SINHCAF: variants seen among roughly 807,000 people sequenced by gnomAD.
SINHCAF encodes the protein SIN3-HDAC complex associated factor.
A neutral mutation model predicts 25.8 loss-of-function variants in SINHCAF; 3 were observed. The observed-to-expected ratio is 0.12, with a 90% confidence interval of 0.05 to 0.30. SINHCAF has a LOEUF of 0.30. Ranked by LOEUF, SINHCAF falls within the 10% of genes least tolerant of loss-of-function variation. The probability of loss-of-function intolerance (pLI) is 1.00; values close to 1 mark genes in which losing one functional copy is unlikely to be tolerated. For missense variants in SINHCAF, 121 were observed against 262.3 expected (o/e 0.46, Z 3.72); for synonymous variants, 70 against 85.5 (o/e 0.82, Z 1.00).
chr12:31,283,855 TACACACACACACACAC>T (rs57162055), intron 5 of SINHCAF, among the ~76,000 whole-genome samples: 173 of 140,574 alleles, frequency 1.2e-3, no homozygotes, highest in Admixed American at 3.8e-3. Flanking sequence ...AGTTATCCAT[TACACACACACACACAC>T]ACACACACAC....
chr12:31,325,500 T>C lies in SINHCAF; in HGVS notation c.-21+524A>G, dbSNP rs1201109300. 4 of 343,032 alleles carry C rather than the reference T, an allele frequency of 1.2e-5. No homozygotes were observed. The highest frequency in any genetic ancestry group is 2.3e-5 in the Non-Finnish European group (4 of 172,584). The allele number at this position is 343,032 out of a possible 1,614,324, so 21.2% of individuals were successfully genotyped here. ...TAGTTTCCGAGCGAATGGCGTTTAT[T>C]GTCCACCCTAGTCCGAGGGCTGCAG... On this transcript the variant is annotated intron_variant, in intron 1 of 5. Coordinates refer to ENST00000337682, the MANE Select transcript of SINHCAF (RefSeq NM_001135812.2). The surrounding 1 kb of genome is among the most constrained non-coding windows in gnomAD (Gnocchi z 5.9).
Position 31,324,105 on chromosome 12 carries a change from G to A in SINHCAF, c.-21+1919C>T. 1 of 453,578 alleles carries A rather than the reference G, an allele frequency of 2.2e-6. No individual in the cohort carries two copies. Among genetic ancestry groups the A allele is most frequent in the Non-Finnish European group, 4.4e-6 (1 of 226,592 alleles). 28.1% of individuals were successfully genotyped at this position (453,578 alleles called of 1,614,324 possible). On this transcript the variant is annotated intron_variant, in intron 1 of 5. Coordinates refer to ENST00000337682, the MANE Select transcript of SINHCAF (RefSeq NM_001135812.2). This position sits in a 1 kb window ranked among gnomAD's most constrained non-coding sequence, Gnocchi z 5.5. ...GCCGCTCGCCGGGGCGAGGGCGAGGGCAGCGGGAGGTGAACCGCGTCGCTC... is the reference window on the plus strand; with the variant it reads ...GCCGCTCGCCGGGGCGAGGGCGAGGACAGCGGGAGGTGAACCGCGTCGCTC...
chr12:31,296,984 A>G, intron 2 of SINHCAF: 1 of 439,840 alleles, frequency 2.3e-6, no homozygotes, highest in Middle Eastern at 3.9e-4. Flanking sequence ...GTGGTGCACA[A>G]TGATCACACC....
chr12:31,319,230 T>G (rs1028967134), intron 1 of SINHCAF, among the ~76,000 whole-genome samples: 28 of 152,152 alleles, frequency 1.8e-4, no homozygotes, highest in Non-Finnish European at 3.8e-4. Flanking sequence ...TGTTTCCTCA[T>G]CTATAAAATA....
At chr12:31,293,997 G>A in intron 3 of SINHCAF, 66 bp from the exon 4 acceptor site, 3 of 1,338,656 alleles carry the variant, frequency 2.2e-6, no homozygotes, top group South Asian at 3.0e-5. Flanking sequence ...CTTTGGTTCA[G>A]ATCCGTGCCT....
intron 1 of SINHCAF, chr12:31,311,804 G>T: frequency 4.1e-6 from 2 of 489,486 alleles, no homozygotes; most frequent in South Asian, 1.8e-5. Flanking sequence ...CTTTTAAGTG[G>T]GGTGGTGGGT....
At chr12:31,314,970 T>C (rs1303414176) in intron 1 of SINHCAF, among the ~76,000 whole-genome samples, 2 of 152,208 alleles carry the variant, frequency 1.3e-5, no homozygotes, top group Non-Finnish European at 2.9e-5. Context: ...TTAGAGGATT[T>C]GTTCTCCATA....
intron 5 of SINHCAF, among the ~76,000 whole-genome samples, chr12:31,285,665 T>G (rs915663035): frequency 4.6e-5 from 7 of 152,050 alleles, no homozygotes; most frequent in Middle Eastern, 3.2e-3. Flanking sequence ...CACATAATGC[T>G]TCACAGAATT....
chr12:31,310,819 A>G (rs1939235329), intron 1 of SINHCAF, among the ~76,000 whole-genome samples: 1 of 151,776 alleles, frequency 6.6e-6, no homozygotes, highest in African/African-American at 2.4e-5. Flanking sequence ...AATCTACAAC[A>G]GGCCCATCTG....
chr12:31,310,580 C>A (rs574308922), intron 1 of SINHCAF, among the ~76,000 whole-genome samples: 1 of 152,172 alleles, frequency 6.6e-6, no homozygotes, highest in African/African-American at 2.4e-5. Flanking sequence ...GTTAAGTGTA[C>A]AGCCTTTTGA....
At chr12:31,311,738 T>C in intron 1 of SINHCAF, 1 of 510,304 alleles carries the variant, frequency 2.0e-6, no homozygotes, top group Non-Finnish European at 3.8e-6. Flanking sequence ...AGTGACTTTA[T>C]CACTCCATAC....
intron 1 of SINHCAF, among the ~76,000 whole-genome samples, chr12:31,308,792 T>C (rs1004666321): frequency 6.6e-6 from 1 of 152,056 alleles, no homozygotes; most frequent in South Asian, 2.1e-4. Context: ...CCTAGATGTA[T>C]AGGGATGCTT....
At position 31,306,059 on chromosome 12, in the gene SINHCAF, G is replaced by A. The variant is rs146363814; in HGVS notation, c.-20-7835C>T. The stretch of plus-strand genomic sequence containing the variant: ...AAATAAGTTCCCCTATTGCTGTGAA[G>A]TTCAAAAGGGGACTCCCCATAATGG... On this transcript the variant is annotated intron_variant, in intron 1 of 5. Transcript: ENST00000337682. 5.3e-5 allele frequency among the ~76,000 whole-genome samples: 8 copies of A among 152,306 alleles called. No individual in the cohort carries two copies. The East Asian group carries it at 1.3e-3, about 26-fold the overall frequency.
chr12:31,320,887 C>T (rs1939670728), intron 1 of SINHCAF, among the ~76,000 whole-genome samples: 1 of 152,090 alleles, frequency 6.6e-6, no homozygotes, highest in Non-Finnish European at 1.5e-5. Context: ...TACTTCAACT[C>T]AGCACAGTTA....
rs370487148 is a variant in SINHCAF at position 31,310,810 on chromosome 12, A to G, written c.-20-12586T>C. ...ATGTTTTATCAAAGTGGGTAAAAAA[A>G]TCTACAACAGGCCCATCTGGATTCT... On this transcript the variant is annotated intron_variant, in intron 1 of 5. Coordinates refer to ENST00000337682, the MANE Select transcript of SINHCAF (RefSeq NM_001135812.2). Among the ~76,000 whole-genome samples, 578 of 151,896 alleles carry G rather than the reference A, an allele frequency of 3.8e-3. 4 individuals are homozygous for G. Among genetic ancestry groups the G allele is most frequent in the Admixed American group, 5.0e-3 (77 of 15,266 alleles).
intron 1 of SINHCAF, among the ~76,000 whole-genome samples, chr12:31,309,365 G>A (rs1050161743): frequency 6.6e-5 from 10 of 152,086 alleles, no homozygotes; most frequent in South Asian, 2.1e-4. Flanking sequence ...TCATGATTGG[G>A]GCAACTCCAT....
At chr12:31,297,467 A>ATTTTTTTTTTTTTTTTTTTTT (rs777087270) in intron 2 of SINHCAF, among the ~76,000 whole-genome samples, 2 of 103,424 alleles carry the variant, frequency 1.9e-5, no homozygotes, top group African/African-American at 7.5e-5. Context: ...GTCAAGCGTA[A>ATTTTTTTTTTTTTTTTTTTTT]TTTTTTTTTT....
chr12:31,312,373 T>TGA (rs1191023878), intron 1 of SINHCAF, among the ~76,000 whole-genome samples: 6 of 152,024 alleles, frequency 3.9e-5, no homozygotes, highest in South Asian at 2.1e-4. Flanking sequence ...TGTGTGTGTG[T>TGA]GAGTGTGTGT....
chr12:31,296,306 C>T (rs560229791), intron 2 of SINHCAF, among the ~76,000 whole-genome samples: 25 of 152,132 alleles, frequency 1.6e-4, no homozygotes, highest in African/African-American at 6.0e-4. Flanking sequence ...GCTGGGACCA[C>T]AGGCACGTGC....
Sources: allele counts gnomAD v4.1 joint callset (sites outside exome capture counted in the v4.1 genomes callset), GRCh38; gene constraint gnomAD v4.1.1; non-coding constraint Gnocchi (gnomAD v3.1); transcripts MANE v1.5; gene names NCBI Gene and HGNC (gene_info 2026-07-23, HGNC 2026-07-21).